Variants in PKHD1 observed in about 807,000 individuals in gnomAD.
The protein encoded by PKHD1 is fibrocystin.
Under a neutral mutation model 412.0 loss-of-function variants are expected in PKHD1, and 291 were observed. The ratio of observed to expected loss-of-function variants is 0.71; its 90% CI spans 0.64 to 0.78. PKHD1 has a LOEUF of 0.78. Ranked by LOEUF, PKHD1 falls within the 30% of genes least tolerant of loss-of-function variation. The pLI, the probability that PKHD1 is intolerant of heterozygous loss-of-function variation, is 0.00. For synonymous variants in PKHD1, 1,777 were observed against 1,821.5 expected (o/e 0.98, Z 0.62); for missense variants, 4,825 against 4,950.7 (o/e 0.97, Z 0.76).
intron 19 of PKHD1, 61 bp downstream of exon 19, chr6:52,055,526 A>T (rs1807573455): frequency 4.4e-6 from 7 of 1,582,508 alleles, no homozygotes; most frequent in Non-Finnish European, 4.3e-6. Context: ...TCAGTCTTGA[A>T]TCCAGAGAGC....
chr6:51,649,185 T>C lies in PKHD1; in HGVS notation c.11210A>G (p.Tyr3737Cys), dbSNP rs1206336265. 3.1e-6 allele frequency: 5 copies of C among 1,611,720 alleles called. No individual in the cohort carries two copies. The Admixed American group carries it at 8.3e-5, about 27-fold the overall frequency. ...TSSFKTGNLI[Y>C]IRPYALSILV... ...GATGGAAAGTGCATAGGGCCGAATA[T>C]ATATCAAGTTCCCAGTTTTAAAACT... Residue 3737 changes from tyrosine (Y) to cysteine (C), a missense_variant, in exon 62 of 67, where the codon TAT becomes TGT. Coordinates refer to ENST00000371117, the MANE Select transcript of PKHD1 (RefSeq NM_138694.4).
At chr6:51,623,379 T>C (rs189302667) in intron 66 of PKHD1, among the ~76,000 whole-genome samples, 3 of 152,238 alleles carry the variant, frequency 2.0e-5, no homozygotes, top group Admixed American at 1.3e-4. Context: ...TTGGTCTCTA[T>C]TGTACATTTC....
At chr6:51,861,737 A>C (rs141827237) in intron 48 of PKHD1, among the ~76,000 whole-genome samples, 26 of 152,328 alleles carry the variant, frequency 1.7e-4, no homozygotes, top group Non-Finnish European at 3.7e-4. Flanking sequence ...TTTTCCATCC[A>C]CAGCCTTATG....
intron 35 of PKHD1, among the ~76,000 whole-genome samples, chr6:51,990,436 T>G (rs1394690269): frequency 6.6e-6 from 1 of 152,192 alleles, no homozygotes; most frequent in Non-Finnish European, 1.5e-5. Context: ...TTTATTCTGG[T>G]GGACATCTTT....
chr6:51,754,294 G>A (rs966255527), intron 56 of PKHD1, among the ~76,000 whole-genome samples: 10 of 152,138 alleles, frequency 6.6e-5, no homozygotes, highest in South Asian at 4.1e-4. Context: ...ATTTTTTGCA[G>A]TAATAGTAAT....
intron 65 of PKHD1, among the ~76,000 whole-genome samples, chr6:51,629,797 G>A (rs675959): frequency 0.043 from 6,498 of 152,048 alleles, 232 homozygotes; most frequent in African/African-American, 0.093. Context: ...AGAAATTATG[G>A]TTATTCATAC....
intron 5 of PKHD1, among the ~76,000 whole-genome samples, chr6:52,079,219 T>C (rs1366798490): frequency 6.6e-6 from 1 of 152,150 alleles, no homozygotes; most frequent in Non-Finnish European, 1.5e-5. Flanking sequence ...ATAAATGAAC[T>C]CCCAGTATAG....
At chr6:51,967,642 GTGTGTGTGTGTA>G (rs1793013120) in intron 35 of PKHD1, among the ~76,000 whole-genome samples, 1 of 130,834 alleles carries the variant, frequency 7.6e-6, no homozygotes, top group African/African-American at 2.6e-5. Flanking sequence ...GGGAAGTTGT[GTGTGTGTGTGTA>G]TGTGTGTGTG....
At chr6:51,651,588 C>G (rs1770984377) in intron 61 of PKHD1, among the ~76,000 whole-genome samples, 1 of 152,090 alleles carries the variant, frequency 6.6e-6, no homozygotes, top group Non-Finnish European at 1.5e-5. Context: ...AAGAGAGTCA[C>G]TCATCCACTT....
chr6:52,051,880 TGAG>T (rs1463055871), intron 21 of PKHD1, among the ~76,000 whole-genome samples: 5 of 152,098 alleles, frequency 3.3e-5, no homozygotes, highest in Non-Finnish European at 1.5e-5. Context: ...GCACGTCACT[TGAG>T]TAGTGTCATT....
chr6:51,673,062 G>A (rs561528995), intron 60 of PKHD1, among the ~76,000 whole-genome samples: 6 of 152,280 alleles, frequency 3.9e-5, no homozygotes, highest in African/African-American at 1.4e-4. Context: ...TATGAACAAT[G>A]AGAGATAATA....
rs141574387 is a variant in PKHD1, at chr6:52,028,179, A to G, written c.3537T>C (p.Asn1179=). ...AGLHRISVSI[N]GVSIHSQGVD... is the part of the protein sequence containing the mutation. ...ACCCTTGTGAGTGAATGCTGACCCC[A>G]TTGATAGAGACGGAAATTCTGTGGA... The change falls in exon 30 of 67, where the codon AAT becomes AAC. Residue 1179 remains asparagine (N), a synonymous_variant. Coordinates refer to ENST00000371117, the MANE Select transcript of PKHD1 (RefSeq NM_138694.4). The G allele has an allele frequency of 1.4e-3, 2,315 of 1,614,246 alleles. 4 individuals carry two copies. Among genetic ancestry groups the G allele is most frequent in the Non-Finnish European group, 1.7e-3 (1,998 of 1,180,028 alleles).
intron 60 of PKHD1, among the ~76,000 whole-genome samples, chr6:51,701,294 T>G (rs867616310): frequency 1.3e-5 from 2 of 152,118 alleles, no homozygotes; most frequent in Admixed American, 6.6e-5. Context: ...AAGCAAAAAA[T>G]TAGCCTATTT....
intron 22 of PKHD1, among the ~76,000 whole-genome samples, chr6:52,049,730 T>C (rs1806478433): frequency 6.6e-6 from 1 of 152,152 alleles, no homozygotes; most frequent in Admixed American, 6.5e-5. Flanking sequence ...TCTCTAGACA[T>C]TTCATTTCAA....
Position 52,024,812 on chromosome 6 carries a change from G to T in PKHD1, c.4998C>A (p.Ser1666Arg), listed in dbSNP as rs374025329. 3.7e-6 allele frequency: 6 copies of T among 1,614,172 alleles called. No individual in the cohort carries two copies. Among genetic ancestry groups the T allele is most frequent in the Non-Finnish European group, 5.1e-6 (6 of 1,180,006 alleles). The change falls in exon 32 of 67, where the codon AGC (serine) becomes AGA (arginine). Residue 1666 changes from serine to arginine, a missense_variant. By Grantham distance (110) the Ser-to-Arg change is moderately radical. Coordinates refer to ENST00000371117, the MANE Select transcript of PKHD1 (RefSeq NM_138694.4). Reference protein sequence around the residue: ...FTPELISISQSDDILTFAVAQ... With the variant: ...FTPELISISQRDDILTFAVAQ... ...CCACTGCAAAGGTTAAGATGTCATC[G>T]CTCTGAGAAATAGAGATCAATTCTG...
At chr6:52,044,157 G>A (rs754339464) in intron 25 of PKHD1, among the ~76,000 whole-genome samples, 1 of 152,168 alleles carries the variant, frequency 6.6e-6, no homozygotes, top group Non-Finnish European at 1.5e-5. Context: ...CTAAAGACTA[G>A]AGTGTATTTG....
intron 53 of PKHD1, among the ~76,000 whole-genome samples, chr6:51,776,909 G>A (rs936440611): frequency 6.6e-6 from 1 of 152,014 alleles, no homozygotes; most frequent in Non-Finnish European, 1.5e-5. Context: ...AATTGTTCAG[G>A]GAATTTGTCA....
At chr6:51,892,902 G>A (rs115744166) in intron 43 of PKHD1, among the ~76,000 whole-genome samples, 28 of 152,310 alleles carry the variant, frequency 1.8e-4, no homozygotes, top group African/African-American at 6.5e-4. Context: ...AGTGCCCAGT[G>A]TATCTCTTCA....
At chr6:51,778,028 A>G (rs532519561) in intron 53 of PKHD1, among the ~76,000 whole-genome samples, 51 of 152,270 alleles carry the variant, frequency 3.3e-4, no homozygotes, top group African/African-American at 1.2e-3. Flanking sequence ...AAGGAAATAC[A>G]TGCTATTGCA....
Sources: gnomAD v4.1 joint callset for allele counts (sites outside exome capture counted in the v4.1 genomes callset) on GRCh38, gnomAD v4.1.1 for gene constraint, MANE v1.5 for transcripts, NCBI Gene and HGNC (gene_info 2026-07-23, HGNC 2026-07-21) for gene names.